Variants in C1orf87 observed in about 807,000 individuals in gnomAD.
C1orf87 encodes the protein chromosome 1 open reading frame 87, also known as uncharacterized protein C1orf87.
A neutral mutation model predicts 60.5 loss-of-function variants in C1orf87; 58 were observed. The ratio of observed to expected loss-of-function variants is 0.96; its 90% confidence interval spans 0.78 to 1.19. The LOEUF is 1.19. C1orf87 is among the 50% of genes most tolerant of loss of function. The pLI, the probability that C1orf87 is intolerant of heterozygous loss-of-function variation, is 0.00. For synonymous variants in C1orf87, 236 were observed against 227.4 expected (o/e 1.04, Z -0.34); for missense variants, 673 against 638.6 (o/e 1.05, Z -0.58).
At chr1:60,056,135 T>C (rs2100320555) in intron 2 of C1orf87, among the ~76,000 whole-genome samples, 1 of 152,126 alleles carries the variant, frequency 6.6e-6, no homozygotes, top group Admixed American at 6.5e-5. Context: ...TCCCAGCTAC[T>C]TGGGAGGCTG....
At chr1:60,014,227 G>C (rs1645109921) in intron 8 of C1orf87, among the ~76,000 whole-genome samples, 1 of 152,104 alleles carries the variant, frequency 6.6e-6, no homozygotes, top group South Asian at 2.1e-4. Context: ...AACAACACTT[G>C]TGTAATTTTC....
chr1:59,995,803 C>A (rs528594299), intron 11 of C1orf87, among the ~76,000 whole-genome samples: 9 of 152,306 alleles, frequency 5.9e-5, no homozygotes, highest in African/African-American at 2.2e-4. Flanking sequence ...GGATTACAGG[C>A]ATGAGCCACC....
intron 11 of C1orf87, among the ~76,000 whole-genome samples, chr1:59,991,636 C>T (rs1457812606): frequency 6.6e-6 from 1 of 152,180 alleles, no homozygotes; most frequent in Non-Finnish European, 1.5e-5. Flanking sequence ...TGACTCCCTC[C>T]AGCTTGCTGT....
At chr1:60,053,478 T>C (rs986422691) in intron 3 of C1orf87, among the ~76,000 whole-genome samples, 4 of 152,160 alleles carry the variant, frequency 2.6e-5, no homozygotes, top group African/African-American at 9.7e-5. Flanking sequence ...GCCTGGCACA[T>C]AGTAAATGCT....
rs573734302 is a variant in C1orf87 at position 59,992,571 on chromosome 1, A to G, written c.1481-1738T>C. 1.3e-4 allele frequency among the ~76,000 whole-genome samples: 20 copies of G among 152,170 alleles called. No homozygotes were observed. In the South Asian group the frequency reaches 4.1e-3, roughly 32 times the overall value. On this transcript the variant is annotated intron_variant, in intron 11 of 11. Transcript: ENST00000371201. ...TGCCTGGCCTCTTTTACTCTCCTTC[A>G]TATGTGCGAACTGTAAGAGTGATGG... is the stretch of plus-strand genomic sequence containing the variant.
At chr1:60,027,823 G>C (rs1320566523) in intron 7 of C1orf87, among the ~76,000 whole-genome samples, 1 of 152,140 alleles carries the variant, frequency 6.6e-6, no homozygotes, top group Non-Finnish European at 1.5e-5. Context: ...GTGTAATTAT[G>C]GGGGAGAAAG....
At chr1:60,026,604 G>C (rs1375586501) in intron 7 of C1orf87, among the ~76,000 whole-genome samples, 1 of 149,492 alleles carries the variant, frequency 6.7e-6, no homozygotes, top group African/African-American at 2.5e-5. Flanking sequence ...GGAAGGAAGG[G>C]GAGAAGGAAG....
At chr1:60,055,947 A>T (rs538718011) in intron 2 of C1orf87, among the ~76,000 whole-genome samples, 12 of 152,246 alleles carry the variant, frequency 7.9e-5, no homozygotes, top group Non-Finnish European at 1.6e-4. Flanking sequence ...AAACAAAATT[A>T]AAGGTTCAAC....
intron 2 of C1orf87, among the ~76,000 whole-genome samples, chr1:60,068,758 T>C (rs1401731521): frequency 2.6e-5 from 4 of 152,220 alleles, no homozygotes; most frequent in Admixed American, 1.3e-4. Flanking sequence ...ATTTAATTCT[T>C]TGGCCTACAG....
chr1:60,018,981 A>G (rs904732375), intron 8 of C1orf87, among the ~76,000 whole-genome samples: 28 of 152,300 alleles, frequency 1.8e-4, no homozygotes, highest in African/African-American at 6.7e-4. Flanking sequence ...CTAGTGTGTA[A>G]GAGTAGTGCT....
chr1:60,018,112 G>A (rs930980462), intron 8 of C1orf87, among the ~76,000 whole-genome samples: 5 of 152,168 alleles, frequency 3.3e-5, no homozygotes, highest in Non-Finnish European at 7.4e-5. Context: ...CAATTGAACA[G>A]CAGATTAATG....
chr1:60,020,500 T>C (rs1254134064), intron 8 of C1orf87, among the ~76,000 whole-genome samples: 1 of 152,220 alleles, frequency 6.6e-6, no homozygotes, highest in East Asian at 1.9e-4. Context: ...CAGTGTGCTC[T>C]GGATGTGAGA....
At chr1:60,010,015 C>CT (rs34236824) in intron 9 of C1orf87, among the ~76,000 whole-genome samples, 9,986 of 142,898 alleles carry the variant, frequency 0.07, 369 homozygotes, top group Admixed American at 0.1. Flanking sequence ...TCTCACAGGT[C>CT]TTTTTTTTTT....
intron 8 of C1orf87, among the ~76,000 whole-genome samples, chr1:60,022,510 T>A (rs1645170726): frequency 6.6e-6 from 1 of 152,162 alleles, no homozygotes. Context: ...CCACAGGGTA[T>A]ATATTCCAAG....
Position 60,072,528 on chromosome 1 carries a change from T to C in C1orf87, c.107+9A>G, listed in dbSNP as rs766683715. The C allele has an allele frequency of 5.7e-6, 9 of 1,576,920 alleles. No individual in the cohort carries two copies. The highest frequency in any genetic ancestry group is 4.1e-5 in the African/African-American group (3 of 73,772). On this transcript the variant is annotated intron_variant, in intron 2 of 11. Transcript: ENST00000371201. Reference sequence around the variant, plus strand: ...AAGCAACATAGATATTTTTCAAATATGGACTTACATCTTTGGCTTCTCCAC... The same window carrying C: ...AAGCAACATAGATATTTTTCAAATACGGACTTACATCTTTGGCTTCTCCAC...
intron 2 of C1orf87, among the ~76,000 whole-genome samples, chr1:60,061,050 A>G (rs1436153023): frequency 6.6e-6 from 1 of 152,156 alleles, no homozygotes; most frequent in African/African-American, 2.4e-5. Flanking sequence ...TCTTCTATCC[A>G]TACTCTGAGA....
At chr1:60,005,473 T>C (rs1645037160) in intron 9 of C1orf87, among the ~76,000 whole-genome samples, 1 of 152,094 alleles carries the variant, frequency 6.6e-6, no homozygotes, top group Non-Finnish European at 1.5e-5. Context: ...TGGAAAGTAA[T>C]GATAGCTGCC....
intron 8 of C1orf87, among the ~76,000 whole-genome samples, chr1:60,019,973 C>T (rs1645151065): frequency 6.6e-6 from 1 of 152,072 alleles, no homozygotes; most frequent in South Asian, 2.1e-4. Flanking sequence ...AATTTATAGC[C>T]TGACTATGAG....
At chr1:60,003,820 T>A (rs1645024425) in intron 9 of C1orf87, among the ~76,000 whole-genome samples, 1 of 152,092 alleles carries the variant, frequency 6.6e-6, no homozygotes, top group Non-Finnish European at 1.5e-5. Context: ...TTTAGTGCCA[T>A]TTTTCCAAAT....
Sources: gnomAD v4.1 joint callset for allele counts (sites outside exome capture counted in the v4.1 genomes callset) on GRCh38, gnomAD v4.1.1 for gene constraint, MANE v1.5 for transcripts, NCBI Gene and HGNC (gene_info 2026-07-23, HGNC 2026-07-21) for gene names.